The following DNAH14 variants were observed in gnomAD, a reference collection of about 807,000 sequenced individuals.
DNAH14 encodes axonemal beta dynein heavy chain 14.
Under a neutral mutation model 520.9 loss-of-function variants are expected in DNAH14, and 478 were observed. That is an observed-to-expected ratio of 0.92 (90% CI 0.85 to 0.99). The LOEUF is 0.99. DNAH14 is among the 50% of genes least tolerant of loss of function. DNAH14 has a pLI of 0.00. For missense variants in DNAH14, 4,831 were observed against 5,234.5 expected, an observed-to-expected ratio of 0.92 and a Z score of 2.38; for synonymous variants, 1,581 against 1,757.2, an observed-to-expected ratio of 0.90 and a Z score of 2.51.
intron 25 of DNAH14, 190 bp downstream of exon 25, chr1:225,118,189 A>G (rs1180520443): frequency 6.5e-6 from 4 of 612,404 alleles, no homozygotes; most frequent in Non-Finnish European, 1.2e-5. Context: ...GCTCTAATTA[A>G]AAGTTGAGAA....
intron 17 of DNAH14, among the ~76,000 whole-genome samples, chr1:225,059,844 G>A (rs1002816517): frequency 6.6e-6 from 1 of 152,182 alleles, no homozygotes; most frequent in African/African-American, 2.4e-5. Flanking sequence ...TAAGAATGTT[G>A]AATATTGGCC....
intron 21 of DNAH14, among the ~76,000 whole-genome samples, 164 bp from the exon 22 acceptor site, chr1:225,096,954 A>C (rs1227241717): frequency 1.3e-5 from 2 of 152,172 alleles, no homozygotes; most frequent in Non-Finnish European, 1.5e-5. Flanking sequence ...ACCTCTCCTA[A>C]AACTAAATAC....
chr1:224,959,052 T>C (rs1572057658), intron 3 of DNAH14, among the ~76,000 whole-genome samples: 1 of 152,040 alleles, frequency 6.6e-6, no homozygotes, highest in African/African-American at 2.4e-5. Context: ...TGTGGGAATA[T>C]AAACAGCCTC....
chr1:225,335,785 A>T (rs2094990815), intron 66 of DNAH14, among the ~76,000 whole-genome samples: 1 of 144,056 alleles, frequency 6.9e-6, no homozygotes, highest in Admixed American at 6.9e-5. Flanking sequence ...GCATATATTC[A>T]TAAGTACATC....
chr1:225,300,537 A>G (rs1374095909), intron 55 of DNAH14, among the ~76,000 whole-genome samples: 1 of 152,156 alleles, frequency 6.6e-6, no homozygotes, highest in African/African-American at 2.4e-5. Context: ...AGTCACTACA[A>G]GAATATTTTA....
At chr1:225,074,832 A>G (rs1040382977) in intron 17 of DNAH14, among the ~76,000 whole-genome samples, 1 of 152,314 alleles carries the variant, frequency 6.6e-6, no homozygotes, top group East Asian at 1.9e-4. Context: ...CAAGAGCTTC[A>G]TCTCAGGTGC....
At chr1:225,151,434 A>T (rs985978933) in intron 31 of DNAH14, among the ~76,000 whole-genome samples, 2 of 152,076 alleles carry the variant, frequency 1.3e-5, no homozygotes, top group African/African-American at 4.8e-5. Context: ...TTTTGTCCCA[A>T]TTGTTTTCCT....
At chr1:225,223,833 A>G (rs932696499) in intron 41 of DNAH14, among the ~76,000 whole-genome samples, 7 of 152,208 alleles carry the variant, frequency 4.6e-5, no homozygotes, top group Admixed American at 3.9e-4. Flanking sequence ...AGTATCATGT[A>G]AATCAGGCTT....
chr1:225,330,374 T>G (rs781689423), intron 64 of DNAH14, among the ~76,000 whole-genome samples: 3 of 152,216 alleles, frequency 2.0e-5, no homozygotes, highest in Non-Finnish European at 4.4e-5. Flanking sequence ...TGCAGCACTG[T>G]TCACAATAGC....
intron 31 of DNAH14, among the ~76,000 whole-genome samples, chr1:225,148,244 CCCA>C (rs573172521): frequency 2.6e-5 from 4 of 152,214 alleles, no homozygotes; most frequent in African/African-American, 9.6e-5. Context: ...AATTTACACT[CCCA>C]CCAACAGTGT....
At chr1:225,260,351 CAA>C (rs1252770479) in intron 46 of DNAH14, among the ~76,000 whole-genome samples, 6 of 104,506 alleles carry the variant, frequency 5.7e-5, no homozygotes, top group Non-Finnish European at 8.3e-5. Flanking sequence ...GACTCCATCT[CAA>C]AAAAAAAAAA....
intron 48 of DNAH14, 129 bp downstream of exon 48, chr1:225,265,498 T>C: frequency 1.4e-6 from 1 of 701,628 alleles, no homozygotes; most frequent in Non-Finnish European, 2.2e-6. Context: ...GAAGATGCAA[T>C]GTATAACAGA....
At chr1:225,271,807 C>A in intron 50 of DNAH14, 99 bp from the exon 51 acceptor site, 1 of 863,980 alleles carries the variant, frequency 1.2e-6, no homozygotes, top group Non-Finnish European at 1.8e-6. Flanking sequence ...AATTAATCCT[C>A]CATTATAGTA....
intron 4 of DNAH14, among the ~76,000 whole-genome samples, chr1:224,963,679 C>G (rs1247128601): frequency 1.3e-5 from 2 of 151,934 alleles, no homozygotes. Context: ...GTTACTTATC[C>G]TCTTGTCAGA....
chr1:225,261,923 C>T (rs2092948435), intron 46 of DNAH14, among the ~76,000 whole-genome samples: 1 of 151,886 alleles, frequency 6.6e-6, no homozygotes, highest in African/African-American at 2.4e-5. Context: ...ATGGCCATAC[C>T]ACCCTGAAAG....
At position 225,056,110 on chromosome 1, in the gene DNAH14, CA is replaced by C. The variant is rs573009511; in HGVS notation, c.2424+4316del. Among the ~76,000 whole-genome samples, 576 of 152,068 alleles carry C rather than the reference CA, an allele frequency of 3.8e-3. 4 individuals are homozygous for C. Among genetic ancestry groups the C allele is most frequent in the Middle Eastern group, 0.017 (5 of 294 alleles). ...GTTCTAGATCCCTGAGGAATCACCA[CA>C]CTCACTTCCACAATGGTTGAACTAC... On this transcript the variant is annotated intron_variant, in intron 17 of 85. Transcript: ENST00000682510.
At chr1:225,292,640 C>G (rs2093918763) in intron 55 of DNAH14, among the ~76,000 whole-genome samples, 1 of 151,968 alleles carries the variant, frequency 6.6e-6, no homozygotes. Context: ...TGAAGAATAT[C>G]ATTAGCATTT....
intron 41 of DNAH14, among the ~76,000 whole-genome samples, chr1:225,228,270 C>A (rs866284336): frequency 2.0e-5 from 3 of 152,170 alleles, no homozygotes; most frequent in African/African-American, 4.8e-5. Flanking sequence ...TCTCTTACAG[C>A]AGGGTATAGA....
At chr1:225,348,155 C>A (rs776136031) in intron 71 of DNAH14, among the ~76,000 whole-genome samples, 8 of 151,920 alleles carry the variant, frequency 5.3e-5, no homozygotes, top group African/African-American at 1.2e-4. Context: ...GAAGACAGGT[C>A]ATTTGAAATT....
Sources: gnomAD v4.1 joint callset for allele counts (sites outside exome capture counted in the v4.1 genomes callset) on GRCh38, gnomAD v4.1.1 for gene constraint, MANE v1.5 for transcripts, NCBI Gene and HGNC (gene_info 2026-07-23, HGNC 2026-07-21) for gene names.